PAX5: variants seen among roughly 807,000 people sequenced by gnomAD.
PAX5 encodes the protein paired box protein Pax-5.
In PAX5, 9 loss-of-function variants were observed where a neutral mutation model predicts 43.7. The ratio of observed to expected loss-of-function variants is 0.21; its 90% CI spans 0.12 to 0.36. The LOEUF is 0.36. PAX5 is among the 10% of genes least tolerant of loss of function. PAX5 has a pLI of 1.00. For missense variants in PAX5, 383 were observed against 532.7 expected (o/e 0.72, Z 2.77); for synonymous variants, 228 against 214.3 (o/e 1.06, Z -0.56).
In PAX5 at chr9:37,015,011, G is replaced by C. The variant is rs2132470512; in HGVS notation, c.396C>G (p.Val132=). 1 of 1,613,980 alleles carries C rather than the reference G, an allele frequency of 6.2e-7. No homozygotes were observed. Residue 132 remains valine, a synonymous_variant, in exon 3 of 10, where the codon GTC becomes GTG. Transcript: ENST00000358127. This position sits in a 1 kb window ranked among gnomAD's most constrained non-coding sequence, Gnocchi z 4.4. Reference sequence around the variant, plus strand: ...GAGCCCCTCACCTGTTGATGGAACTGACGCTAGGCACGGTGTCATTGTCAC... The same window carrying C: ...GAGCCCCTCACCTGTTGATGGAACTCACGCTAGGCACGGTGTCATTGTCAC... ...RVCDNDTVPS[V]SSINRIIRTK...
chr9:36,867,368 T>C (rs1039861840), intron 8 of PAX5, among the ~76,000 whole-genome samples: 2 of 152,218 alleles, frequency 1.3e-5, no homozygotes, highest in African/African-American at 4.8e-5. Flanking sequence ...ACACAGTGTT[T>C]CTAAGAGTCA....
chr9:36,988,590 G>A (rs1034841666), intron 5 of PAX5, among the ~76,000 whole-genome samples: 4 of 148,856 alleles, frequency 2.7e-5, no homozygotes, highest in Admixed American at 1.3e-4. Flanking sequence ...TTGAGCCCAC[G>A]AGGTCAAGGC....
intron 6 of PAX5, among the ~76,000 whole-genome samples, chr9:36,928,434 C>T (rs1311254468): frequency 1.3e-5 from 2 of 152,228 alleles, no homozygotes; most frequent in South Asian, 2.1e-4. Context: ...TGCTTCCATA[C>T]TTGGTGGCTT....
At chr9:36,903,621 A>G (rs1227350953) in intron 7 of PAX5, among the ~76,000 whole-genome samples, 1 of 152,220 alleles carries the variant, frequency 6.6e-6, no homozygotes, top group Non-Finnish European at 1.5e-5. Flanking sequence ...TTCCCAAGAA[A>G]GAAGGAGCAA....
At chr9:36,881,771 T>G (rs540848541) in intron 8 of PAX5, among the ~76,000 whole-genome samples, 1 of 152,076 alleles carries the variant, frequency 6.6e-6, no homozygotes, top group African/African-American at 2.4e-5. Flanking sequence ...ACAAGGCCTG[T>G]TTGAGTGACA....
intron 4 of PAX5, 64 bp from the exon 5 acceptor site, chr9:37,002,840 C>T: frequency 6.5e-7 from 1 of 1,539,470 alleles, no homozygotes; most frequent in Non-Finnish European, 8.8e-7. Flanking sequence ...CGGCTGTCAC[C>T]GCACGTGAGG....
intron 7 of PAX5, among the ~76,000 whole-genome samples, chr9:36,908,026 G>A (rs113293428): frequency 3.3e-5 from 5 of 152,044 alleles, no homozygotes; most frequent in African/African-American, 7.2e-5. Flanking sequence ...ATGGCAAAAC[G>A]CTGTCTCTAC....
At chr9:36,932,848 T>A (rs111287213) in intron 6 of PAX5, among the ~76,000 whole-genome samples, 1,542 of 152,194 alleles carry the variant, frequency 0.01, 24 homozygotes, top group African/African-American at 0.035. Context: ...TTACTCCAAG[T>A]CTACTTTGAA....
chr9:37,026,499 G>C lies in PAX5; in HGVS notation c.47-5698C>G, dbSNP rs898441744. 9 of 1,318,738 alleles carry C rather than the reference G, an allele frequency of 6.8e-6. No homozygotes were observed. In the Admixed American group the frequency reaches 1.1e-4, roughly 17 times the overall value. The allele number at this position is 1,318,738 out of a possible 1,614,324, so 81.7% of individuals were successfully genotyped here. A position where few individuals can be genotyped will look rare whatever the true frequency, so the allele number is the denominator to read the frequency against. On this transcript the variant is annotated intron_variant, in intron 1 of 9. Transcript: ENST00000358127. Reference sequence around the variant, plus strand: ...GGCACCCCCAACCCGGTCCCGGCGGGAGAGTGAGAGAAGCGAGCTCGCCGC... The same window carrying C: ...GGCACCCCCAACCCGGTCCCGGCGGCAGAGTGAGAGAAGCGAGCTCGCCGC...
At chr9:36,918,220 C>A (rs554071013) in intron 7 of PAX5, among the ~76,000 whole-genome samples, 1 of 152,286 alleles carries the variant, frequency 6.6e-6, no homozygotes, top group African/African-American at 2.4e-5. Context: ...AAAACTGAGA[C>A]AGGCCAAAAG....
At chr9:37,026,176 ACT>A (rs1472763502) in intron 1 of PAX5, among the ~76,000 whole-genome samples, 1 of 152,064 alleles carries the variant, frequency 6.6e-6, no homozygotes, top group Non-Finnish European at 1.5e-5. Flanking sequence ...GCTGTCTGAG[ACT>A]CTGACTGGCC....
intron 1 of PAX5, among the ~76,000 whole-genome samples, chr9:37,022,914 T>C (rs186600803): frequency 1.3e-5 from 2 of 152,294 alleles, no homozygotes; most frequent in African/African-American, 4.8e-5. Context: ...CAAGACCCCT[T>C]GGCCTTCTCC....
At chr9:36,976,291 C>T (rs991673340) in intron 5 of PAX5, among the ~76,000 whole-genome samples, 1 of 152,172 alleles carries the variant, frequency 6.6e-6, no homozygotes, top group African/African-American at 2.4e-5. Flanking sequence ...GACTCAAGCT[C>T]AAACTCATTA....
chr9:36,919,818 C>T lies in PAX5; in HGVS notation c.910+3537G>A, dbSNP rs1587970664. On this transcript the variant is annotated intron_variant, in intron 7 of 9. Transcript: ENST00000358127. ...TCATGCCACTGCACTCCAGCCTGGG[C>T]AACAGAGTGAGACTCTGTCTCAAAA... Among the ~76,000 whole-genome samples the T allele has an allele frequency of 2.6e-5, 3 of 115,344 alleles. 1 individual carries two copies. Among genetic ancestry groups the T allele is most frequent in the African/African-American group, 1.1e-4 (3 of 28,202 alleles). 75.7% of individuals were successfully genotyped at this position (115,344 alleles called of 152,430 possible).
intron 8 of PAX5, among the ~76,000 whole-genome samples, chr9:36,851,390 T>C (rs796704673): frequency 8.5e-5 from 13 of 152,296 alleles, no homozygotes; most frequent in African/African-American, 2.9e-4. Context: ...ACCTCTGCCA[T>C]TTCTGCTCAC....
chr9:36,881,925 A>T, intron 8 of PAX5, 79 bp downstream of exon 8: 1 of 1,028,990 alleles, frequency 9.7e-7, no homozygotes, highest in African/African-American at 1.6e-5. Context: ...GAGGTCACCC[A>T]GGCTGTTTGG....
At chr9:36,942,895 C>T (rs1031980626) in intron 6 of PAX5, among the ~76,000 whole-genome samples, 2 of 152,208 alleles carry the variant, frequency 1.3e-5, no homozygotes, top group Non-Finnish European at 2.9e-5. Flanking sequence ...GGCCGGGCAA[C>T]GGCCTTCAGC....
rs1587703093 is a variant in PAX5, at chr9:36,833,764, T to A, written c.*6796A>T. The stretch of plus-strand genomic sequence containing the variant: ...AAAAAGAATACAAAACATACACATT[T>A]TTTAAGAAGCATTTTTTTTTTTCAA... On this transcript the variant is annotated 3_prime_UTR_variant, in exon 10 of 10. Transcript: ENST00000358127. The A allele has an allele frequency of 4.3e-5, 10 of 232,870 alleles. No individual in the cohort carries two copies. The East Asian group carries it at 6.0e-4, about 14-fold the overall frequency. 14.4% of individuals were successfully genotyped at this position (232,870 alleles called of 1,614,324 possible). A position where few individuals can be genotyped will look rare whatever the true frequency, so the allele number is the denominator to read the frequency against.
chr9:36,888,048 G>A (rs1461994872), intron 7 of PAX5, among the ~76,000 whole-genome samples: 4 of 152,138 alleles, frequency 2.6e-5, no homozygotes, highest in Non-Finnish European at 5.9e-5. Context: ...TAGCTCTCAG[G>A]GAAATGCAAA....
Sources: allele counts gnomAD v4.1 joint callset (sites outside exome capture counted in the v4.1 genomes callset), GRCh38; gene constraint gnomAD v4.1.1; non-coding constraint Gnocchi (gnomAD v3.1); transcripts MANE v1.5; gene names NCBI Gene and HGNC (gene_info 2026-07-23, HGNC 2026-07-21).